TRPM4: variants seen among roughly 807,000 people sequenced by gnomAD.
TRPM4 encodes the protein calcium-activated non-selective cation channel 1.
Under a neutral mutation model 135.6 loss-of-function variants are expected in TRPM4, and 124 were observed. The ratio of observed to expected loss-of-function variants is 0.91; its 90% CI spans 0.79 to 1.06. TRPM4 has a LOEUF of 1.06. Among genes scored for constraint, TRPM4 ranks in the 50% least tolerant of loss-of-function variants. TRPM4 has a pLI of 0.00. For missense variants in TRPM4, 1,658 were observed against 1,671.4 expected (o/e 0.99, Z 0.14); for synonymous variants, 745 against 705.6 (o/e 1.06, Z -0.88).
intron 2 of TRPM4, among the ~76,000 whole-genome samples, chr19:49,165,559 G>T (rs1967137754): frequency 6.6e-6 from 1 of 152,154 alleles, no homozygotes; most frequent in Non-Finnish European, 1.5e-5. Flanking sequence ...CGTGGAGTAG[G>T]CCGCGCTATT....
chr19:49,171,777 A>C lies in TRPM4; in HGVS notation c.1050+8A>C. On this transcript the variant is annotated splice_region_variant and intron_variant, in intron 8 of 24. Coordinates refer to ENST00000252826, the MANE Select transcript of TRPM4 (RefSeq NM_017636.4). The surrounding 1 kb of genome is among the most constrained non-coding windows in gnomAD (Gnocchi z 4.7). ...GAGGTCCTGCAGGCCCAGGTATGAC[A>C]CTGGGGGCCCAACTCTGGATCCTGA... is the stretch of plus-strand genomic sequence containing the variant. 6.2e-7 allele frequency: 1 copy of C among 1,606,030 alleles called. No individual in the cohort carries two copies. The highest frequency in any genetic ancestry group is 8.5e-7 in the Non-Finnish European group (1 of 1,178,714).
chr19:49,172,387 C>G (rs1440751750), intron 9 of TRPM4, among the ~76,000 whole-genome samples: 1 of 152,154 alleles, frequency 6.6e-6, no homozygotes, highest in Non-Finnish European at 1.5e-5. Flanking sequence ...CATCTCTTTA[C>G]CTACCATCCT....
At chr19:49,179,114 G>T (rs1295197557) in intron 9 of TRPM4, among the ~76,000 whole-genome samples, 1 of 151,904 alleles carries the variant, frequency 6.6e-6, no homozygotes, top group East Asian at 1.9e-4. Flanking sequence ...GGAGTGCAAT[G>T]GCGTGATCTT....
At position 49,182,826 on chromosome 19, in the gene TRPM4, G is replaced by C; in HGVS notation, c.1512G>C (p.Gly504=). 1 of 1,613,342 alleles carries C rather than the reference G, an allele frequency of 6.2e-7. No homozygotes were observed. Among genetic ancestry groups the C allele is most frequent in the South Asian group, 1.1e-5 (1 of 91,054 alleles). The change falls in exon 11 of 25, where the codon GGG becomes GGC. Residue 504 remains glycine (G), a synonymous_variant. Transcript: ENST00000252826. ...CGGAGCTCCGGCCCCCTGACGTGGG[G>C]CATGTGCTGAGGATGCTGCTGGGGA... The part of the protein sequence containing the change: ...GAAELRPPDV[G]HVLRMLLGKM...
chr19:49,200,882 G>A, intron 19 of TRPM4, 97 bp downstream of exon 19: 1 of 1,343,938 alleles, frequency 7.4e-7, no homozygotes, highest in Non-Finnish European at 1.0e-6. Flanking sequence ...CTGTCTCTCT[G>A]AGTCTCTGTC....
Position 49,202,083 on chromosome 19 carries a change from G to C in TRPM4, c.3073G>C (p.Val1025Leu), listed in dbSNP as rs186822052. 1 of 1,614,032 alleles carries C rather than the reference G, an allele frequency of 6.2e-7. No homozygotes were observed. The highest frequency in any genetic ancestry group is 8.5e-7 in the Non-Finnish European group (1 of 1,180,036). Residue 1025 changes from valine to leucine, a missense_variant, in exon 20 of 25, where the codon GTC (valine) becomes CTC (leucine). Val to Leu is a conservative substitution (Grantham distance 32). This residue lies in a region of TRPM4 where 1,412 missense variants were observed against 1,408.7 expected (regional missense o/e 1.00). Coordinates refer to ENST00000252826, the MANE Select transcript of TRPM4 (RefSeq NM_017636.4). ...CAACTGGCTGGTGGTGCTGCTCCTC[G>C]TCATCTTCCTGCTCGTGGCCAACAT... is the stretch of plus-strand genomic sequence containing the variant. ...YANWLVVLLL[V>L]IFLLVANILL...
rs1327337622 is a variant in TRPM4 at position 49,171,692 on chromosome 19, G to A, written c.973G>A (p.Gly325Arg). The A allele has an allele frequency of 6.2e-7, 1 of 1,614,064 alleles. No homozygotes were observed. The highest frequency in any genetic ancestry group is 1.7e-5 in the Admixed American group (1 of 60,018). ...LEDTLAPGSG[G>R]ARQGEARDRI... Reference sequence around the variant, plus strand: ...AGACACTCTGGCCCCAGGGAGTGGGGGAGCCAGGCAAGGCGAAGCCCGAGA... The same window carrying A: ...AGACACTCTGGCCCCAGGGAGTGGGAGAGCCAGGCAAGGCGAAGCCCGAGA... Residue 325 changes from glycine to arginine, a missense_variant, in exon 8 of 25, where the codon GGA (glycine) becomes AGA (arginine). By Grantham distance (125) the Gly-to-Arg change is moderately radical. Around this residue, in one of 3 missense-constraint regions of TRPM4, gnomAD observed 1,412 missense variants for 1,408.7 expected, o/e 1.00. Transcript: ENST00000252826. This position sits in a 1 kb window ranked among gnomAD's most constrained non-coding sequence, Gnocchi z 4.7.
intron 4 of TRPM4, 60 bp from the exon 5 acceptor site, chr19:49,168,198 GTC>G (rs1967303673): frequency 6.2e-7 from 1 of 1,607,862 alleles, no homozygotes; most frequent in Admixed American, 1.7e-5. Context: ...GTGTGTGTGT[GTC>G]TCTGTCTTAT....
chr19:49,210,399 C>A lies in TRPM4; in HGVS notation c.3322C>A (p.His1108Asn). 1 of 1,613,488 alleles carries A rather than the reference C, an allele frequency of 6.2e-7. No homozygotes were observed. The highest frequency in any genetic ancestry group is 8.5e-7 in the Non-Finnish European group (1 of 1,180,020). ...SPQPSSPALE[H>N]FRVYLSKEAE... The stretch of plus-strand genomic sequence containing the variant: ...CCAGCCGTCCTCCCCGGCCCTCGAG[C>A]ATTTCCGTAAGAACAGAGCTTGGCT... The change falls in exon 21 of 25, where the codon CAT becomes AAT. Residue 1108 changes from histidine (H) to asparagine (N), a missense_variant. His to Asn is a moderately conservative substitution (Grantham distance 68). Around this residue, in one of 3 missense-constraint regions of TRPM4, gnomAD observed 1,412 missense variants for 1,408.7 expected, o/e 1.00. Coordinates refer to ENST00000252826, the MANE Select transcript of TRPM4 (RefSeq NM_017636.4). The surrounding 1 kb of genome is among the most constrained non-coding windows in gnomAD (Gnocchi z 4.1).
intron 14 of TRPM4, 73 bp downstream of exon 14, chr19:49,189,164 C>A: frequency 6.3e-7 from 1 of 1,593,948 alleles, no homozygotes; most frequent in Non-Finnish European, 8.6e-7. Context: ...TGAGCCCCTG[C>A]CATTGGGAAC....
At chr19:49,177,186 T>C (rs913546612) in intron 9 of TRPM4, among the ~76,000 whole-genome samples, 1 of 151,902 alleles carries the variant, frequency 6.6e-6, no homozygotes, top group Admixed American at 6.6e-5. Context: ...AAGATGTGGT[T>C]TGAGGGGGTG....
intron 2 of TRPM4, among the ~76,000 whole-genome samples, chr19:49,161,323 C>CTTTTT (rs67808134): frequency 2.4e-4 from 24 of 101,210 alleles, no homozygotes; most frequent in South Asian, 1.0e-3. Context: ...GTCTCTCTCT[C>CTTTTT]TTTTTTTTTT....
At chr19:49,202,905 C>T (rs142734949) in intron 20 of TRPM4, among the ~76,000 whole-genome samples, 2,949 of 95,778 alleles carry the variant, frequency 0.031, 116 homozygotes, top group African/African-American at 0.12. Context: ...TTTTTTTTGA[C>T]GGAGTCTCGC....
chr19:49,186,701 A>G (rs2122969522), intron 12 of TRPM4, among the ~76,000 whole-genome samples: 1 of 152,118 alleles, frequency 6.6e-6, no homozygotes, highest in South Asian at 2.1e-4. Flanking sequence ...GAGAAACCCT[A>G]TCTCTACTAA....
intron 2 of TRPM4, among the ~76,000 whole-genome samples, chr19:49,162,952 G>A (rs751337011): frequency 2.6e-5 from 4 of 151,802 alleles, no homozygotes; most frequent in African/African-American, 4.8e-5. Context: ...AGTAGAAACA[G>A]GGTTTCACCA....
At chr19:49,182,057 T>TATCC (rs753427789) in intron 10 of TRPM4, among the ~76,000 whole-genome samples, 5,112 of 130,330 alleles carry the variant, frequency 0.039, 135 homozygotes, top group African/African-American at 0.047. Flanking sequence ...TCCATCCATT[T>TATCC]ATCCATCCAT....
intron 16 of TRPM4, among the ~76,000 whole-genome samples, chr19:49,195,406 T>C (rs1968592246): frequency 6.6e-6 from 1 of 151,950 alleles, no homozygotes; most frequent in Non-Finnish European, 1.5e-5. Flanking sequence ...AGTTTTGCTC[T>C]CGTTGCCCAG....
chr19:49,182,996 G>A, intron 11 of TRPM4, 74 bp downstream of exon 11: 2 of 1,600,302 alleles, frequency 1.2e-6, no homozygotes, highest in Non-Finnish European at 1.7e-6. Context: ...CAGGGATGGG[G>A]CGTGGCCAAA....
At position 49,210,580 on chromosome 19, in the gene TRPM4, G is replaced by A. The variant is rs763928318; in HGVS notation, c.3329-130G>A. On this transcript the variant is annotated intron_variant, in intron 21 of 24. Coordinates refer to ENST00000252826, the MANE Select transcript of TRPM4 (RefSeq NM_017636.4). This position sits in a 1 kb window ranked among gnomAD's most constrained non-coding sequence, Gnocchi z 4.1. ...TGAGGGGCAGTGCTTACGGGTGAGG[G>A]GCGGGGCATGTTCTCGAATCACCAG... 2 of 1,484,508 alleles carry A rather than the reference G, an allele frequency of 1.3e-6. No individual in the cohort carries two copies. The highest frequency in any genetic ancestry group is 1.9e-6 in the Non-Finnish European group (2 of 1,076,450). 92.0% of individuals were successfully genotyped at this position (1,484,508 alleles called of 1,614,324 possible). A position where few individuals can be genotyped will look rare whatever the true frequency, so the allele number is the denominator to read the frequency against.
Sources: gnomAD v4.1 joint callset for allele counts (sites outside exome capture counted in the v4.1 genomes callset) on GRCh38, gnomAD v4.1.1 for gene constraint, gnomAD v4.1.1 regional missense constraint, Gnocchi (gnomAD v3.1) non-coding constraint, MANE v1.5 for transcripts, NCBI Gene and HGNC (gene_info 2026-07-23, HGNC 2026-07-21) for gene names.